The following TNNI3K variants were observed in gnomAD, a reference collection of about 807,000 sequenced individuals.
TNNI3K encodes the protein serine/threonine-protein kinase TNNI3K.
Under a neutral mutation model 114.5 loss-of-function variants are expected in TNNI3K, and 140 were observed. That is an observed-to-expected ratio of 1.22 (90% confidence interval 1.07 to 1.41). The LOEUF (loss-of-function observed/expected upper bound fraction) is 1.41, where lower values mean the gene tolerates loss of function less well. Among genes scored for constraint, TNNI3K ranks in the 40% most tolerant of loss-of-function variants. TNNI3K has a pLI of 0.00. For synonymous variants in TNNI3K, 347 were observed against 347.5 expected (o/e 1.00, Z 0.02); for missense variants, 1,125 against 1,007.6 (o/e 1.12, Z -1.58).
intron 13 of TNNI3K, among the ~76,000 whole-genome samples, chr1:74,368,684 T>G (rs1386931724): frequency 2.6e-5 from 4 of 151,762 alleles, no homozygotes; most frequent in Non-Finnish European, 5.9e-5. Context: ...TCAGCCCTGC[T>G]AACAAGGAGT....
chr1:74,378,120 TG>T (rs916380646), intron 17 of TNNI3K, among the ~76,000 whole-genome samples: 1 of 152,012 alleles, frequency 6.6e-6, no homozygotes, highest in Admixed American at 6.6e-5. Context: ...TAATATACAA[TG>T]GATGCCTTAG....
intron 17 of TNNI3K, chr1:74,418,061 C>A: frequency 2.8e-6 from 1 of 361,444 alleles, no homozygotes; most frequent in South Asian, 2.0e-5. Context: ...AAAACATCAT[C>A]TGACTCTTAC....
chr1:74,469,127 T>G (rs1462354644), intron 21 of TNNI3K: 1 of 152,554 alleles, frequency 6.6e-6, no homozygotes, highest in Non-Finnish European at 1.5e-5. Context: ...TAAAATTCCT[T>G]TTGTTCAGGA....
At chr1:74,451,683 TTTTCTTTCTTTCTTTCTTTC>T (rs1158598409) in intron 20 of TNNI3K, among the ~76,000 whole-genome samples, 22 of 76,210 alleles carry the variant, frequency 2.9e-4, no homozygotes, top group Admixed American at 9.2e-4. Flanking sequence ...TTTTCTTTTC[TTTTCTTTCTTTCTTTCTTTC>T]TTTCTTTCTT....
At chr1:74,395,104 G>A (rs375716372) in intron 17 of TNNI3K, among the ~76,000 whole-genome samples, 1 of 151,748 alleles carries the variant, frequency 6.6e-6, no homozygotes, top group Non-Finnish European at 1.5e-5. Context: ...GGTGACATCC[G>A]GGAAGACTGT....
At chr1:74,325,584 A>G (rs1469496583) in intron 5 of TNNI3K, among the ~76,000 whole-genome samples, 4 of 152,326 alleles carry the variant, frequency 2.6e-5, no homozygotes, top group African/African-American at 9.6e-5. Context: ...AAAAGCATCC[A>G]TGAGAATGGG....
chr1:74,401,004 T>C (rs1664331355), intron 17 of TNNI3K, among the ~76,000 whole-genome samples: 1 of 152,194 alleles, frequency 6.6e-6, no homozygotes, highest in South Asian at 2.1e-4. Flanking sequence ...ATGTCAAGAA[T>C]ATTGGAAAGT....
chr1:74,362,723 A>C (rs993941883), intron 11 of TNNI3K, among the ~76,000 whole-genome samples: 2 of 152,130 alleles, frequency 1.3e-5, no homozygotes, highest in African/African-American at 4.8e-5. Context: ...TAAAATAACT[A>C]TTAAGAAAGT....
rs569603268 is a variant in TNNI3K, at chr1:74,469,640, T to A, written c.2121+6090T>A. On this transcript the variant is annotated intron_variant, in intron 21 of 24. Transcript: ENST00000326637. Reference sequence around the variant, plus strand: ...TTGGCAAAACTTTTCTTACTTGTTTTTTCATTCCTTAGAGAAGCATACTCA... The same window carrying A: ...TTGGCAAAACTTTTCTTACTTGTTTATTCATTCCTTAGAGAAGCATACTCA... The A allele has an allele frequency of 1.1e-5, 4 of 352,754 alleles. No homozygotes were observed. In the East Asian group the frequency reaches 1.7e-4, roughly 15 times the overall value. 21.9% of individuals were successfully genotyped at this position (352,754 alleles called of 1,614,324 possible).
At chr1:74,479,788 AAT>A (rs1668388336) in intron 21 of TNNI3K, among the ~76,000 whole-genome samples, 3 of 152,240 alleles carry the variant, frequency 2.0e-5, no homozygotes, top group Admixed American at 6.5e-5. Context: ...TGTCATAACA[AAT>A]GCACTAGTAC....
intron 23 of TNNI3K, among the ~76,000 whole-genome samples, chr1:74,534,733 CT>C (rs5775241): frequency 0.42 from 63,823 of 151,948 alleles, 15,371 homozygotes; most frequent in Non-Finnish European, 0.56. Flanking sequence ...CTACAGATTT[CT>C]TTTATATAAG....
At chr1:74,288,879 A>C (rs1182209990) in intron 5 of TNNI3K, among the ~76,000 whole-genome samples, 1 of 152,038 alleles carries the variant, frequency 6.6e-6, no homozygotes, top group Non-Finnish European at 1.5e-5. Flanking sequence ...TGTTGCACAA[A>C]ATAAATACAT....
intron 4 of TNNI3K, among the ~76,000 whole-genome samples, chr1:74,254,956 A>G (rs1414742818): frequency 6.6e-6 from 1 of 152,142 alleles, no homozygotes; most frequent in East Asian, 1.9e-4. Context: ...TATATTTTGC[A>G]AGAATCGATA....
chr1:74,264,550 ATATACT>A (rs1009802832), intron 4 of TNNI3K, among the ~76,000 whole-genome samples: 2 of 152,102 alleles, frequency 1.3e-5, no homozygotes, highest in African/African-American at 2.4e-5. Flanking sequence ...TGAAGAAAAA[ATATACT>A]TAGAGAAACA....
At chr1:74,475,890 A>G (rs1468995924) in intron 21 of TNNI3K, 10 of 530,520 alleles carry the variant, frequency 1.9e-5, no homozygotes. Flanking sequence ...AACCACAAAT[A>G]TAAAGGTTAA....
intron 6 of TNNI3K, 45 bp downstream of exon 6, chr1:74,331,593 T>C (rs770288005): frequency 6.6e-7 from 1 of 1,522,492 alleles, no homozygotes; most frequent in Admixed American, 1.9e-5. Flanking sequence ...GTTGCTTAAG[T>C]GTAGGCTTTT....
At chr1:74,399,739 T>TG (rs1196946658) in intron 17 of TNNI3K, among the ~76,000 whole-genome samples, 1 of 152,172 alleles carries the variant, frequency 6.6e-6, no homozygotes, top group Non-Finnish European at 1.5e-5. Flanking sequence ...GCTCTGTTAT[T>TG]GGGGGTGGAT....
chr1:74,355,675 G>A (rs1661616777), intron 11 of TNNI3K, among the ~76,000 whole-genome samples: 1 of 152,048 alleles, frequency 6.6e-6, no homozygotes, highest in Admixed American at 6.6e-5. Context: ...ATCAATGAAA[G>A]GAGAAATGTA....
intron 9 of TNNI3K, among the ~76,000 whole-genome samples, chr1:74,344,268 C>T (rs967482403): frequency 3.3e-5 from 5 of 152,136 alleles, no homozygotes; most frequent in African/African-American, 9.7e-5. Flanking sequence ...CCAGATGATT[C>T]GCATCCATTA....
Sources: allele counts gnomAD v4.1 joint callset (sites outside exome capture counted in the v4.1 genomes callset), GRCh38; gene constraint gnomAD v4.1.1; transcripts MANE v1.5; gene names NCBI Gene and HGNC (gene_info 2026-07-23, HGNC 2026-07-21).